Variants in DLGAP2 observed in about 807,000 individuals in gnomAD.
DLGAP2 encodes DLG associated protein 2.
DLGAP2 carries 26 observed loss-of-function variants against 100.3 expected under a neutral mutation model. That is an observed-to-expected ratio of 0.26 (90% CI 0.19 to 0.36). The LOEUF (loss-of-function observed/expected upper bound fraction) is 0.36, where lower values mean the gene tolerates loss of function less well. Among genes scored for constraint, DLGAP2 ranks in the 10% least tolerant of loss-of-function variants. The pLI is 1.00. For synonymous variants in DLGAP2, 886 were observed against 630.1 expected, an observed-to-expected ratio of 1.41 and a Z score of -6.08; for missense variants, 1,858 against 1,453.2, an observed-to-expected ratio of 1.28 and a Z score of -4.53.
chr8:891,777 C>G (rs1798040015), intron 1 of DLGAP2: 1 of 152,232 alleles, frequency 6.6e-6, no homozygotes. Context: ...CCCAGCCAGC[C>G]CAGGACGGGG....
At chr8:1,339,378 G>C (rs1396807916) in intron 3 of DLGAP2, among the ~76,000 whole-genome samples, 2 of 151,782 alleles carry the variant, frequency 1.3e-5, no homozygotes, top group African/African-American at 2.4e-5. Flanking sequence ...TCAGTAAGGC[G>C]TCAGGACCCT....
rs13268033 is a variant in DLGAP2, at chr8:1,476,865, C to T, written c.107-24501C>T. Among the ~76,000 whole-genome samples, 4 of 144,988 alleles carry T rather than the reference C, an allele frequency of 2.8e-5. No individual in the cohort carries two copies. The East Asian group carries it at 6.2e-4, about 22-fold the overall frequency. ...CTTCTGCAGACCCACCCGTGATGGCCGAGTGCTGTCGGCCAACCCACCAGC... is the reference window on the plus strand; with the variant it reads ...CTTCTGCAGACCCACCCGTGATGGCTGAGTGCTGTCGGCCAACCCACCAGC... On this transcript the variant is annotated intron_variant, in intron 3 of 14. Coordinates refer to ENST00000637795, the MANE Select transcript of DLGAP2 (RefSeq NM_001346810.2).
At chr8:1,164,157 C>T (rs1327096299) in intron 2 of DLGAP2, among the ~76,000 whole-genome samples, 40 of 6,610 alleles carry the variant, frequency 6.1e-3, no homozygotes, top group Middle Eastern at 0.083. Context: ...TTTCTGTGAG[C>T]CCCCCAGGGC....
At chr8:1,222,153 A>G (rs13254361) in intron 2 of DLGAP2, among the ~76,000 whole-genome samples, 48,359 of 152,134 alleles carry the variant, frequency 0.32, 7,970 homozygotes, top group East Asian at 0.58. Flanking sequence ...AAGAAGACAC[A>G]CTGGCTTTTA....
rs1563172092 is a variant in DLGAP2 at position 1,477,081 on chromosome 8, G to GTCACTACCGCAGACACAATTAATCACA, written c.107-24280_107-24279insACCGCAGACACAATTAATCACATCACT. On this transcript the variant is annotated intron_variant, in intron 3 of 14. Transcript: ENST00000637795. ...CTCCACCGCAGACACAATTAATCAC[G>GTCACTACCGCAGACACAATTAATCACA]TCACTGCCGCAGGCACTGCACACAT... 2.0e-5 allele frequency among the ~76,000 whole-genome samples: 3 copies of GTCACTACCGCAGACACAATTAATCACA among 152,212 alleles called. No homozygotes were observed. In the East Asian group the frequency reaches 5.8e-4, roughly 29 times the overall value.
At chr8:1,453,221 C>T (rs762889552) in intron 3 of DLGAP2, among the ~76,000 whole-genome samples, 18 of 151,962 alleles carry the variant, frequency 1.2e-4, no homozygotes, top group Admixed American at 2.0e-4. Flanking sequence ...ACACAGTTCT[C>T]GGAGCTGGGA....
intron 1 of DLGAP2, among the ~76,000 whole-genome samples, chr8:861,873 G>A (rs930162577): frequency 3.3e-5 from 5 of 152,150 alleles, no homozygotes; most frequent in African/African-American, 1.2e-4. Flanking sequence ...TGATTCACAT[G>A]TTGTTTTATC....
chr8:1,439,865 G>C (rs562874589), intron 3 of DLGAP2, among the ~76,000 whole-genome samples: 1 of 152,290 alleles, frequency 6.6e-6, no homozygotes, highest in African/African-American at 2.4e-5. Context: ...GGCCTCTTGT[G>C]TGAAGAGACA....
At chr8:1,417,993 G>C (rs1384982497) in intron 3 of DLGAP2, among the ~76,000 whole-genome samples, 1 of 152,226 alleles carries the variant, frequency 6.6e-6, no homozygotes, top group African/African-American at 2.4e-5. Context: ...AAATCAGCAC[G>C]TTTGGAGAAT....
chr8:960,036 T>C (rs949946023), intron 2 of DLGAP2, among the ~76,000 whole-genome samples: 3 of 152,058 alleles, frequency 2.0e-5, no homozygotes, highest in Admixed American at 6.5e-5. Flanking sequence ...TGTTAGAAAG[T>C]AATAAAATCT....
intron 3 of DLGAP2, among the ~76,000 whole-genome samples, chr8:1,329,563 T>A (rs1057202873): frequency 3.3e-5 from 5 of 152,178 alleles, no homozygotes; most frequent in Admixed American, 2.0e-4. Flanking sequence ...TTGGGGAAGT[T>A]CAATTCGGTA....
chr8:1,685,507 A>G (rs943071496), intron 12 of DLGAP2, among the ~76,000 whole-genome samples: 5 of 152,226 alleles, frequency 3.3e-5, no homozygotes, highest in Non-Finnish European at 7.3e-5. Flanking sequence ...GACTAAGAGA[A>G]TCAACCCACT....
chr8:1,413,538 G>A (rs962884942), intron 3 of DLGAP2, among the ~76,000 whole-genome samples: 6 of 152,120 alleles, frequency 3.9e-5, no homozygotes, highest in African/African-American at 1.2e-4. Context: ...GAGTTATAAT[G>A]GAAATGAAAA....
intron 6 of DLGAP2, among the ~76,000 whole-genome samples, chr8:1,613,839 TG>T (rs1797062701): frequency 6.6e-6 from 1 of 152,206 alleles, no homozygotes; most frequent in Non-Finnish European, 1.5e-5. Context: ...GTATTCTTTT[TG>T]GAAAAATCAT....
chr8:1,451,872 C>T lies in DLGAP2; in HGVS notation c.107-49494C>T, dbSNP rs188211896. On this transcript the variant is annotated intron_variant, in intron 3 of 14. Coordinates refer to ENST00000637795, the MANE Select transcript of DLGAP2 (RefSeq NM_001346810.2). ...ACTAATGTACCCAAACCATCCTGTTCCCTCCACCAGAGCTCACGGGCTCCC... is the reference window on the plus strand; with the variant it reads ...ACTAATGTACCCAAACCATCCTGTTTCCTCCACCAGAGCTCACGGGCTCCC... 1.1e-3 allele frequency among the ~76,000 whole-genome samples: 164 copies of T among 152,380 alleles called. 1 individual carries two copies. The highest frequency in any genetic ancestry group is 3.7e-3 in the African/African-American group (153 of 41,596).
chr8:1,132,262 T>C (rs942950272), intron 2 of DLGAP2, among the ~76,000 whole-genome samples: 2 of 152,210 alleles, frequency 1.3e-5, no homozygotes, highest in Non-Finnish European at 2.9e-5. Flanking sequence ...TTTTTGGTGA[T>C]TTTTATTGCA....
chr8:1,422,341 G>A (rs2129939760), intron 3 of DLGAP2, among the ~76,000 whole-genome samples: 1 of 152,272 alleles, frequency 6.6e-6, no homozygotes, highest in Non-Finnish European at 1.5e-5. Context: ...TTATGTACCT[G>A]TGAAATTTCC....
At chr8:1,362,241 C>G (rs1051686193) in intron 3 of DLGAP2, among the ~76,000 whole-genome samples, 2 of 152,040 alleles carry the variant, frequency 1.3e-5, no homozygotes, top group Admixed American at 6.5e-5. Flanking sequence ...ACCTGGTGTT[C>G]CCCACAGTGG....
chr8:1,164,340 G>GT (rs1554494697), intron 2 of DLGAP2, among the ~76,000 whole-genome samples: 3 of 54,470 alleles, frequency 5.5e-5, no homozygotes, highest in Non-Finnish European at 1.1e-4. Flanking sequence ...TTTTCTGTGA[G>GT]CCCGCAGGGC....
Sources: allele counts gnomAD v4.1 joint callset (sites outside exome capture counted in the v4.1 genomes callset), GRCh38; gene constraint gnomAD v4.1.1; transcripts MANE v1.5; gene names NCBI Gene and HGNC (gene_info 2026-07-23, HGNC 2026-07-21).